APBB1IP: variants seen among roughly 807,000 people sequenced by gnomAD.
APBB1IP encodes amyloid beta precursor protein binding family B member 1 interacting protein.
APBB1IP carries 27 observed loss-of-function variants against 64.9 expected under a neutral mutation model. The ratio of observed to expected loss-of-function variants is 0.42; its 90% CI spans 0.31 to 0.57. The LOEUF is 0.57. Among genes scored for constraint, APBB1IP ranks in the 20% least tolerant of loss-of-function variants. The probability of loss-of-function intolerance (pLI) is 0.20; values close to 1 mark genes in which losing one functional copy is unlikely to be tolerated. For synonymous variants in APBB1IP, 392 were observed against 331.0 expected (o/e 1.18, Z -2.00); for missense variants, 812 against 845.5 (o/e 0.96, Z 0.49).
chr10:26,448,132 A>G (rs1835421811), intron 2 of APBB1IP, among the ~76,000 whole-genome samples: 1 of 102,526 alleles, frequency 9.8e-6, no homozygotes, highest in Non-Finnish European at 1.9e-5. Flanking sequence ...AATTTTTACT[A>G]AAAATTTTAA....
At chr10:26,485,213 G>C (rs573365662) in intron 2 of APBB1IP, among the ~76,000 whole-genome samples, 1 of 152,186 alleles carries the variant, frequency 6.6e-6, no homozygotes, top group Non-Finnish European at 1.5e-5. Context: ...CCACAAACCT[G>C]TACCTATAGC....
chr10:26,456,941 A>T (rs527905987), intron 2 of APBB1IP, among the ~76,000 whole-genome samples: 37 of 152,282 alleles, frequency 2.4e-4, no homozygotes, highest in South Asian at 1.9e-3. Context: ...AGAAAGGCTA[A>T]ACTGACCAGA....
chr10:26,488,114 C>T (rs1240357368), intron 2 of APBB1IP, among the ~76,000 whole-genome samples: 1 of 152,066 alleles, frequency 6.6e-6, no homozygotes, highest in African/African-American at 2.4e-5. Flanking sequence ...CATTAATTTC[C>T]CCTTATTAAA....
intron 14 of APBB1IP, among the ~76,000 whole-genome samples, chr10:26,565,702 G>A (rs1402885840): frequency 6.6e-6 from 1 of 152,210 alleles, no homozygotes; most frequent in African/African-American, 2.4e-5. Flanking sequence ...GGTTTATTTG[G>A]AAAGCCAGTA....
intron 2 of APBB1IP, among the ~76,000 whole-genome samples, chr10:26,490,558 G>A (rs1835943112): frequency 6.6e-6 from 1 of 152,146 alleles, no homozygotes; most frequent in Admixed American, 6.5e-5. Context: ...CCAGGAGGCG[G>A]AAGTTGCAGT....
intron 8 of APBB1IP, among the ~76,000 whole-genome samples, chr10:26,530,250 C>T (rs1220193274): frequency 4.1e-5 from 5 of 123,274 alleles, no homozygotes; most frequent in East Asian, 2.3e-4. Context: ...TTTTTTGAGA[C>T]GAGGCCCCCA....
At chr10:26,553,103 C>A (rs578105493) in intron 11 of APBB1IP, among the ~76,000 whole-genome samples, 2 of 152,148 alleles carry the variant, frequency 1.3e-5, no homozygotes, top group African/African-American at 4.8e-5. Context: ...CTCACTGCAA[C>A]CTCCGCCTCC....
At chr10:26,565,402 T>C (rs963398909) in intron 14 of APBB1IP, among the ~76,000 whole-genome samples, 3 of 152,172 alleles carry the variant, frequency 2.0e-5, no homozygotes, top group Admixed American at 6.5e-5. Context: ...TTGGCTTCCA[T>C]TTTGAAGGAA....
rs767260875 is a variant in APBB1IP at position 26,567,427 on chromosome 10, A to G, written c.1940A>G (p.Glu647Gly). 6.2e-7 allele frequency: 1 copy of G among 1,607,882 alleles called. No individual in the cohort carries two copies. Among genetic ancestry groups the G allele is most frequent in the Non-Finnish European group, 8.5e-7 (1 of 1,175,960 alleles). The change falls in exon 15 of 15, where the codon GAG becomes GGG. Residue 647 changes from glutamate (E) to glycine (G), a missense_variant. Glu to Gly is a moderately conservative substitution (Grantham distance 98). Transcript: ENST00000376236. ...PGHPGGAGGG[E>G]QDFMSDLMKA... ...CACCCCGGCGGAGCAGGAGGCGGGG[A>G]GCAAGATTTCATGTCAGACCTCATG... is the stretch of plus-strand genomic sequence containing the variant.
chr10:26,519,560 C>T (rs1265805539), intron 8 of APBB1IP, among the ~76,000 whole-genome samples: 1 of 152,174 alleles, frequency 6.6e-6, no homozygotes, highest in Non-Finnish European at 1.5e-5. Context: ...AATTGCCTCC[C>T]ACCAGGCCCG....
intron 11 of APBB1IP, among the ~76,000 whole-genome samples, chr10:26,554,191 C>T (rs1836866427): frequency 1.3e-5 from 2 of 152,174 alleles, no homozygotes; most frequent in Non-Finnish European, 2.9e-5. Context: ...TGAATGGCAC[C>T]ATCACCTACT....
chr10:26,446,338 A>T (rs1026319548), intron 2 of APBB1IP, among the ~76,000 whole-genome samples: 2 of 152,232 alleles, frequency 1.3e-5, no homozygotes, highest in Non-Finnish European at 2.9e-5. Flanking sequence ...ATTAAATTTC[A>T]TAAACGGTAT....
intron 5 of APBB1IP, 60 bp from the exon 6 acceptor site, chr10:26,503,137 G>A: frequency 6.6e-7 from 1 of 1,520,990 alleles, no homozygotes; most frequent in Non-Finnish European, 9.1e-7. Flanking sequence ...AATGACAGAA[G>A]TGATTACTCA....
chr10:26,536,532 T>C (rs1266005426), intron 10 of APBB1IP, among the ~76,000 whole-genome samples: 1 of 152,174 alleles, frequency 6.6e-6, no homozygotes, highest in Admixed American at 6.5e-5. Context: ...ATTGTCATTA[T>C]AGTTAAATTT....
At chr10:26,499,771 C>T (rs901649772) in intron 4 of APBB1IP, among the ~76,000 whole-genome samples, 1 of 152,136 alleles carries the variant, frequency 6.6e-6, no homozygotes, top group African/African-American at 2.4e-5. Context: ...ATCTCTCCTC[C>T]CTCCCTCTCA....
intron 7 of APBB1IP, among the ~76,000 whole-genome samples, 174 bp downstream of exon 7, chr10:26,512,080 T>G (rs1836268413): frequency 6.6e-6 from 1 of 152,328 alleles, no homozygotes; most frequent in East Asian, 1.9e-4. Context: ...TCCTCCCACC[T>G]GGGCCTCCCA....
At chr10:26,471,746 G>A (rs934121980) in intron 2 of APBB1IP, among the ~76,000 whole-genome samples, 2 of 151,946 alleles carry the variant, frequency 1.3e-5, no homozygotes, top group Admixed American at 6.6e-5. Flanking sequence ...GGTCAGTGGC[G>A]CAATCTCGGC....
At position 26,501,196 on chromosome 10, in the gene APBB1IP, A is replaced by G. The variant is rs112411891; in HGVS notation, c.453+85A>G. On this transcript the variant is annotated intron_variant, in intron 5 of 14. Coordinates refer to ENST00000376236, the MANE Select transcript of APBB1IP (RefSeq NM_019043.4). Reference sequence around the variant, plus strand: ...TCCTTGAAGTGATCATTACATTCCTAAGTTGGTACATCCAAAGATCTGAGA... The same window carrying G: ...TCCTTGAAGTGATCATTACATTCCTGAGTTGGTACATCCAAAGATCTGAGA... The G allele has an allele frequency of 5.8e-6, 9 of 1,563,884 alleles. No homozygotes were observed. The African/African-American group carries it at 1.1e-4, about 19-fold the overall frequency.
intron 6 of APBB1IP, 120 bp from the exon 7 acceptor site, chr10:26,511,627 A>C: frequency 8.4e-7 from 1 of 1,196,376 alleles, no homozygotes; most frequent in Non-Finnish European, 1.2e-6. Context: ...TAGATGGAGC[A>C]AGTTCACCAA....
Sources: gnomAD v4.1 joint callset for allele counts (sites outside exome capture counted in the v4.1 genomes callset) on GRCh38, gnomAD v4.1.1 for gene constraint, MANE v1.5 for transcripts, NCBI Gene and HGNC (gene_info 2026-07-23, HGNC 2026-07-21) for gene names.